C12orf50: variants seen among roughly 807,000 people sequenced by gnomAD.
C12orf50 encodes the protein zinc finger CCCH-type containing 11D, also known as uncharacterized protein C12orf50.
In C12orf50, 35 loss-of-function variants were observed where a neutral mutation model predicts 61.6. The ratio of observed to expected loss-of-function variants is 0.57; its 90% CI spans 0.43 to 0.75. The LOEUF (loss-of-function observed/expected upper bound fraction) is 0.75, where lower values mean the gene tolerates loss of function less well. Ranked by LOEUF, C12orf50 falls within the 30% of genes least tolerant of loss-of-function variation. C12orf50 has a pLI of 0.00. For synonymous variants in C12orf50, 178 were observed against 161.5 expected, an observed-to-expected ratio of 1.10 and a Z score of -0.77; for missense variants, 475 against 488.5, an observed-to-expected ratio of 0.97 and a Z score of 0.26.
chr12:88,000,925 T>A (rs1248760719), intron 3 of C12orf50, among the ~76,000 whole-genome samples: 4 of 151,842 alleles, frequency 2.6e-5, no homozygotes, highest in African/African-American at 9.7e-5. Context: ...TTTTTAGATT[T>A]CTAGAATTTT....
chr12:87,992,617 G>C (rs538605635), intron 7 of C12orf50, among the ~76,000 whole-genome samples: 7 of 151,846 alleles, frequency 4.6e-5, no homozygotes, highest in African/African-American at 1.2e-4. Context: ...AGTTCAAACT[G>C]TATATTTCCA....
chr12:87,985,204 G>C (rs182148041), intron 11 of C12orf50: 2 of 152,184 alleles, frequency 1.3e-5, no homozygotes, highest in Admixed American at 1.3e-4. Flanking sequence ...ATATAGAATT[G>C]AGCAGCATTT....
At chr12:87,993,351 T>C (rs994569485) in intron 7 of C12orf50, among the ~76,000 whole-genome samples, 2 of 152,216 alleles carry the variant, frequency 1.3e-5, no homozygotes, top group Non-Finnish European at 2.9e-5. Context: ...CGATTAGAAC[T>C]GCTCGGGTTA....
chr12:87,982,131 G>A (rs1381692954), intron 12 of C12orf50, among the ~76,000 whole-genome samples: 1 of 152,042 alleles, frequency 6.6e-6, no homozygotes, highest in East Asian at 1.9e-4. Flanking sequence ...TTCACCCATA[G>A]GAGGATCATA....
intron 3 of C12orf50, among the ~76,000 whole-genome samples, chr12:88,020,504 A>G (rs2032476506): frequency 6.6e-6 from 1 of 152,208 alleles, no homozygotes; most frequent in South Asian, 2.1e-4. Context: ...CTAAATATAT[A>G]CACATCCAAC....
At position 87,990,096 on chromosome 12, in the gene C12orf50, T is replaced by C. The variant is rs2031046730; in HGVS notation, c.593-725A>G. Among the ~76,000 whole-genome samples the C allele has an allele frequency of 2.0e-5, 3 of 152,234 alleles. No individual in the cohort carries two copies. In the South Asian group the frequency reaches 6.2e-4, roughly 32 times the overall value. On this transcript the variant is annotated intron_variant, in intron 7 of 12. Transcript: ENST00000298699. The stretch of plus-strand genomic sequence containing the variant: ...TTGTGGCCAAAAAAACTCACTCTAT[T>C]TTCCCCTCAAAAACGCCATCATACT...
intron 3 of C12orf50, among the ~76,000 whole-genome samples, chr12:87,998,704 A>G (rs1184513888): frequency 1.3e-5 from 2 of 152,216 alleles, no homozygotes; most frequent in East Asian, 3.9e-4. Context: ...CATTACTACA[A>G]AACTAAAGTA....
chr12:87,985,593 G>A (rs1424390764), intron 11 of C12orf50: 2 of 513,352 alleles, frequency 3.9e-6, no homozygotes, highest in Non-Finnish European at 7.0e-6. Context: ...GAGGAACAAA[G>A]TGCAGTGCTC....
At chr12:88,009,564 C>T (rs1013622595) in intron 3 of C12orf50, among the ~76,000 whole-genome samples, 25 of 151,962 alleles carry the variant, frequency 1.6e-4, no homozygotes, top group African/African-American at 5.5e-4. Flanking sequence ...GTTGTTACAA[C>T]GAGGAGATTT....
chr12:87,982,007 T>C (rs1165956501), intron 12 of C12orf50, among the ~76,000 whole-genome samples: 7 of 152,108 alleles, frequency 4.6e-5, no homozygotes, highest in African/African-American at 1.7e-4. Flanking sequence ...AAATGTCTTC[T>C]GTAATTCATA....
chr12:88,017,751 G>T (rs1419745457), intron 3 of C12orf50, among the ~76,000 whole-genome samples: 1 of 152,206 alleles, frequency 6.6e-6, no homozygotes, highest in African/African-American at 2.4e-5. Context: ...TGAGGAACTT[G>T]TTGGGAACTG....
chr12:87,998,216 T>C (rs2031501020), intron 3 of C12orf50, 26 bp from the exon 4 acceptor site: 1 of 1,596,804 alleles, frequency 6.3e-7, no homozygotes, highest in Admixed American at 1.7e-5. Context: ...AACATTTCAG[T>C]CTGTTCAAGA....
chr12:87,996,685 G>T, intron 4 of C12orf50, 39 bp from the exon 5 acceptor site: 3 of 1,465,698 alleles, frequency 2.0e-6, no homozygotes, highest in Non-Finnish European at 2.8e-6. Context: ...TTGTCCCAAA[G>T]CCAATTAATC....
intron 12 of C12orf50, 116 bp downstream of exon 12, chr12:87,982,987 C>T: frequency 1.9e-6 from 1 of 519,920 alleles, no homozygotes; most frequent in Non-Finnish European, 3.4e-6. Context: ...ATTAAGTGTG[C>T]ATGTATATCT....
Position 88,027,006 on chromosome 12 carries a change from C to T in C12orf50, c.-44G>A. On this transcript the variant is annotated 5_prime_UTR_variant, in exon 2 of 13. The change abolishes an upstream ATG in the 5' untranslated region. Transcript: ENST00000298699. ...TGGATCTAAACATTTCCTCTCTCTC[C>T]ATAATGAGCACACAGTGTCACTGCC... 6.2e-7 allele frequency: 1 copy of T among 1,613,920 alleles called. No individual in the cohort carries two copies. Among genetic ancestry groups the T allele is most frequent in the African/African-American group, 1.3e-5 (1 of 75,022 alleles).
chr12:88,008,223 T>C (rs1396765063), intron 3 of C12orf50, among the ~76,000 whole-genome samples: 1 of 152,132 alleles, frequency 6.6e-6, no homozygotes, highest in East Asian at 1.9e-4. Context: ...TCCAACCCTC[T>C]ACCCTCTGGT....
chr12:88,013,237 G>A (rs1176823979), intron 3 of C12orf50, among the ~76,000 whole-genome samples: 2 of 152,030 alleles, frequency 1.3e-5, no homozygotes, highest in Non-Finnish European at 2.9e-5. Context: ...CAATTTTAAG[G>A]CTGCTCTACC....
intron 3 of C12orf50, among the ~76,000 whole-genome samples, chr12:88,014,588 C>T (rs1026274029): frequency 3.3e-5 from 5 of 152,254 alleles, no homozygotes; most frequent in East Asian, 1.9e-4. Flanking sequence ...CGTGAGCCAC[C>T]GCGCCTGGCT....
At chr12:87,981,481 AT>A (rs1233789255) in intron 12 of C12orf50, among the ~76,000 whole-genome samples, 2 of 152,126 alleles carry the variant, frequency 1.3e-5, no homozygotes, top group African/African-American at 4.8e-5. Context: ...GAGATCCTAC[AT>A]TTTAAAAAAG....
Sources: gnomAD v4.1 joint callset for allele counts (sites outside exome capture counted in the v4.1 genomes callset) on GRCh38, gnomAD v4.1.1 for gene constraint, MANE v1.5 for transcripts, NCBI Gene and HGNC (gene_info 2026-07-23, HGNC 2026-07-21) for gene names.